ADGRG6: variants seen among roughly 807,000 people sequenced by gnomAD.
ADGRG6 encodes the protein adhesion G protein-coupled receptor G6.
A neutral mutation model predicts 142.4 loss-of-function variants in ADGRG6; 84 were observed. The ratio of observed to expected loss-of-function variants is 0.59; its 90% CI spans 0.49 to 0.71. The LOEUF (loss-of-function observed/expected upper bound fraction) is 0.71, where lower values mean the gene tolerates loss of function less well. Among genes scored for constraint, ADGRG6 ranks in the 30% least tolerant of loss-of-function variants. ADGRG6 has a pLI of 0.00. For synonymous variants in ADGRG6, 521 were observed against 520.5 expected (o/e 1.00, Z -0.01); for missense variants, 1,367 against 1,466.6 (o/e 0.93, Z 1.11).
chr6:142,319,446 A>T (rs1778411952), intron 2 of ADGRG6, among the ~76,000 whole-genome samples: 1 of 152,156 alleles, frequency 6.6e-6, no homozygotes, highest in Non-Finnish European at 1.5e-5. Flanking sequence ...ATGACTAATG[A>T]TTTAAAATTT....
At position 142,367,594 on chromosome 6, in the gene ADGRG6, G is replaced by A; in HGVS notation, c.129G>A (p.Val43=). ...HSVWGCANCR[V]VLSNPSGTFT... ...TGTGGGGATGTGCCAACTGCCGAGT[G>A]GTTTTGTCCAACCCTTCTGGGACCT... is the stretch of plus-strand genomic sequence containing the variant. Residue 43 remains valine (V), a synonymous_variant, in exon 3 of 25, where the codon GTG becomes GTA. Transcript: ENST00000367609. The A allele has an allele frequency of 6.2e-7, 1 of 1,613,514 alleles. No individual in the cohort carries two copies. The highest frequency in any genetic ancestry group is 8.5e-7 in the Non-Finnish European group (1 of 1,179,696).
intron 7 of ADGRG6, among the ~76,000 whole-genome samples, chr6:142,392,730 G>T (rs559994428): frequency 2.6e-5 from 4 of 151,942 alleles, no homozygotes; most frequent in African/African-American, 9.6e-5. Flanking sequence ...CTATTTCATT[G>T]GTTGTTGTGA....
At chr6:142,325,176 T>C (rs925201502) in intron 2 of ADGRG6, among the ~76,000 whole-genome samples, 1 of 152,180 alleles carries the variant, frequency 6.6e-6, no homozygotes, top group Admixed American at 6.6e-5. Flanking sequence ...ATAAGAACTT[T>C]GGACTTACAG....
At chr6:142,436,114 TG>T (rs1164682246) in intron 22 of ADGRG6, among the ~76,000 whole-genome samples, 1 of 151,660 alleles carries the variant, frequency 6.6e-6, no homozygotes, top group Non-Finnish European at 1.5e-5. Flanking sequence ...GGAATCCTGG[TG>T]GGGGGTAGGG....
chr6:142,368,717 T>A (rs1175470830), intron 3 of ADGRG6, among the ~76,000 whole-genome samples: 1 of 152,100 alleles, frequency 6.6e-6, no homozygotes, highest in Non-Finnish European at 1.5e-5. Context: ...GTTTTTTGAT[T>A]GTGGAGTTAT....
intron 2 of ADGRG6, among the ~76,000 whole-genome samples, chr6:142,320,682 G>A (rs1000016930): frequency 6.6e-6 from 1 of 152,126 alleles, no homozygotes; most frequent in African/African-American, 2.4e-5. Context: ...GTTAGCAGAC[G>A]TTAAATTGGA....
chr6:142,388,224 A>G (rs1019270552), intron 6 of ADGRG6, among the ~76,000 whole-genome samples: 5 of 152,160 alleles, frequency 3.3e-5, no homozygotes, highest in South Asian at 2.1e-4. Context: ...TGACTGCACT[A>G]TTCCAAAATT....
chr6:142,423,089 C>T (rs1314700361), intron 22 of ADGRG6, among the ~76,000 whole-genome samples: 10 of 146,840 alleles, frequency 6.8e-5, no homozygotes, highest in East Asian at 2.0e-4. Flanking sequence ...GAGTAGGTTG[C>T]GAAAATTTTC....
At chr6:142,306,713 C>T (rs764755252) in intron 1 of ADGRG6, among the ~76,000 whole-genome samples, 1 of 151,844 alleles carries the variant, frequency 6.6e-6, no homozygotes, top group East Asian at 1.9e-4. Flanking sequence ...CTTGTAGTTC[C>T]TATTTAGAAC....
At chr6:142,323,116 CTTATT>C (rs1778595755) in intron 2 of ADGRG6, among the ~76,000 whole-genome samples, 1 of 115,470 alleles carries the variant, frequency 8.7e-6, no homozygotes, top group Admixed American at 7.8e-5. Flanking sequence ...ATAAATGTCA[CTTATT>C]TTTTTTTTTT....
Position 142,370,772 on chromosome 6 carries a change from G to C in ADGRG6, c.1048G>C (p.Ala350Pro). ...GAATATCCCAAACCTAGCTCTGAAAGCTGAAAGCAACCTAAGCTGTGGTGA... is the reference window on the plus strand; with the variant it reads ...GAATATCCCAAACCTAGCTCTGAAACCTGAAAGCAACCTAAGCTGTGGTGA... ...FWNIPNLALK[A>P]ESNLSCGSYL... Residue 350 changes from alanine (A) to proline (P), a missense_variant, in exon 4 of 25, where the codon GCT becomes CCT. This residue lies in a region of ADGRG6 where 737 missense variants were observed against 746.5 expected (regional missense o/e 0.99). Coordinates refer to ENST00000367609, the MANE Select transcript of ADGRG6 (RefSeq NM_198569.3). The C allele has an allele frequency of 1.2e-6, 2 of 1,611,376 alleles. No individual in the cohort carries two copies. Among genetic ancestry groups the C allele is most frequent in the Non-Finnish European group, 1.7e-6 (2 of 1,178,922 alleles).
chr6:142,323,006 G>T (rs1021609202), intron 2 of ADGRG6, among the ~76,000 whole-genome samples: 1 of 152,038 alleles, frequency 6.6e-6, no homozygotes. Context: ...TTCTGCCCTG[G>T]TTACTGACTT....
intron 22 of ADGRG6, among the ~76,000 whole-genome samples, chr6:142,425,138 T>G (rs1209320909): frequency 1.3e-5 from 2 of 152,204 alleles, no homozygotes; most frequent in Non-Finnish European, 2.9e-5. Flanking sequence ...GGCTCTGTAT[T>G]TCAATCTTTA....
chr6:142,428,913 A>G (rs148193172), intron 22 of ADGRG6, among the ~76,000 whole-genome samples: 1 of 152,342 alleles, frequency 6.6e-6, no homozygotes, highest in East Asian at 1.9e-4. Context: ...AAATTAAAAG[A>G]TAAGTGTACC....
At chr6:142,426,375 A>G (rs1776946132) in intron 22 of ADGRG6, among the ~76,000 whole-genome samples, 1 of 152,202 alleles carries the variant, frequency 6.6e-6, no homozygotes, top group African/African-American at 2.4e-5. Context: ...AGGGCAGTCA[A>G]ATCTTAAGAT....
intron 22 of ADGRG6, among the ~76,000 whole-genome samples, chr6:142,436,014 G>A (rs933076432): frequency 1.3e-5 from 2 of 152,200 alleles, no homozygotes; most frequent in African/African-American, 2.4e-5. Flanking sequence ...GGTCATGATC[G>A]CAAGGACTTC....
At chr6:142,403,488 A>G (rs1195831969) in intron 13 of ADGRG6, among the ~76,000 whole-genome samples, 1 of 152,138 alleles carries the variant, frequency 6.6e-6, no homozygotes, top group East Asian at 1.9e-4. Flanking sequence ...GATAAGCCGT[A>G]AGGTAGGGAG....
rs1387308864 is a variant in ADGRG6, at chr6:142,370,661, T to G, written c.937T>G (p.Trp313Gly). The G allele has an allele frequency of 3.1e-6, 5 of 1,613,806 alleles. No individual in the cohort carries two copies. Among genetic ancestry groups the G allele is most frequent in the Non-Finnish European group, 4.2e-6 (5 of 1,179,858 alleles). The change falls in exon 4 of 25, where the codon TGG becomes GGG. Residue 313 changes from tryptophan (W) to glycine (G), a missense_variant. By Grantham distance (184) the Trp-to-Gly change is radical (BLOSUM62 -2). This residue lies in a region of ADGRG6 where 737 missense variants were observed against 746.5 expected (regional missense o/e 0.99). Coordinates refer to ENST00000367609, the MANE Select transcript of ADGRG6 (RefSeq NM_198569.3). Reference protein sequence around the residue: ...LKGDIYNFRLWNFTMNAKILS... With the variant: ...LKGDIYNFRLGNFTMNAKILS... ...AGGGGACATTTATAACTTTCGACTT[T>G]GGAATTTTACCATGAATGCCAAAAT...
chr6:142,345,160 G>A (rs1779831736), intron 2 of ADGRG6, among the ~76,000 whole-genome samples: 1 of 152,078 alleles, frequency 6.6e-6, no homozygotes, highest in African/African-American at 2.4e-5. Context: ...TTTCTACAGA[G>A]TGGTAAAAGA....
Sources: allele counts gnomAD v4.1 joint callset (sites outside exome capture counted in the v4.1 genomes callset), GRCh38; gene constraint gnomAD v4.1.1; regional missense constraint gnomAD v4.1.1; transcripts MANE v1.5; gene names NCBI Gene and HGNC (gene_info 2026-07-23, HGNC 2026-07-21).